TMEM132C: variants seen among roughly 807,000 people sequenced by gnomAD.
TMEM132C encodes the protein protein phosphatase 1, regulatory subunit 152.
Under a neutral mutation model 61.4 loss-of-function variants are expected in TMEM132C, and 29 were observed. That is an observed-to-expected ratio of 0.47 (90% CI 0.35 to 0.64). TMEM132C has a LOEUF of 0.64. TMEM132C is among the 30% of genes least tolerant of loss of function. The probability of loss-of-function intolerance (pLI) is 0.00; values close to 1 mark genes in which losing one functional copy is unlikely to be tolerated. For synonymous variants in TMEM132C, 656 were observed against 633.1 expected, an observed-to-expected ratio of 1.04 and a Z score of -0.54; for missense variants, 1,408 against 1,476.9, an observed-to-expected ratio of 0.95 and a Z score of 0.76.
rs1954841565 is a variant in TMEM132C, at chr12:128,706,443, G to A, written c.*148G>A. The A allele has an allele frequency of 2.8e-6, 3 of 1,090,376 alleles. No homozygotes were observed. Among genetic ancestry groups the A allele is most frequent in the Non-Finnish European group, 3.7e-6 (3 of 813,076 alleles). The allele number at this position is 1,090,376 out of a possible 1,614,324, so 67.5% of individuals were successfully genotyped here. On this transcript the variant is annotated 3_prime_UTR_variant, in exon 9 of 9. Coordinates refer to ENST00000435159, the MANE Select transcript of TMEM132C (RefSeq NM_001136103.3). ...TTGGAAAGTTTTGAAGTCAGGAAAA[G>A]ACGTTTTTGTATCAAGGGATTTTTA...
At chr12:128,271,080 C>T (rs1234301470) in intron 1 of TMEM132C, among the ~76,000 whole-genome samples, 4 of 151,798 alleles carry the variant, frequency 2.6e-5, no homozygotes, top group African/African-American at 9.7e-5. Flanking sequence ...ATGGTGAAAC[C>T]CCATCTCTAC....
At chr12:128,270,877 TA>T (rs373820330) in intron 1 of TMEM132C, among the ~76,000 whole-genome samples, 3 of 152,348 alleles carry the variant, frequency 2.0e-5, no homozygotes, top group African/African-American at 7.2e-5. Flanking sequence ...ATTTCTTTAC[TA>T]GTGCTTGCGA....
chr12:128,388,784 C>G (rs1426296725), intron 1 of TMEM132C, among the ~76,000 whole-genome samples: 1 of 152,260 alleles, frequency 6.6e-6, no homozygotes, highest in African/African-American at 2.4e-5. Flanking sequence ...CTTCCGGGCG[C>G]TGATTTTGTG....
chr12:128,503,373 A>G (rs1019586020), intron 2 of TMEM132C, among the ~76,000 whole-genome samples: 2 of 152,216 alleles, frequency 1.3e-5, no homozygotes, highest in Non-Finnish European at 2.9e-5. Flanking sequence ...CTTGTTGGAA[A>G]TGCCCTGGTG....
intron 5 of TMEM132C, among the ~76,000 whole-genome samples, chr12:128,682,962 C>A (rs1034753791): frequency 2.0e-5 from 3 of 152,200 alleles, no homozygotes; most frequent in Admixed American, 2.0e-4. Context: ...TCTCTGCCTG[C>A]ATCTTCACAT....
chr12:128,684,433 C>T (rs545772698), intron 5 of TMEM132C, among the ~76,000 whole-genome samples: 1 of 152,232 alleles, frequency 6.6e-6, no homozygotes, highest in Non-Finnish European at 1.5e-5. Flanking sequence ...ATGACTTTCT[C>T]TGGTCCCTAC....
chr12:128,492,336 C>G (rs1871768010), intron 2 of TMEM132C, among the ~76,000 whole-genome samples: 2 of 152,184 alleles, frequency 1.3e-5, no homozygotes, highest in Non-Finnish European at 2.9e-5. Context: ...TTTATAGCAG[C>G]ATGATTTATA....
At chr12:128,504,862 TA>T (rs1369602461) in intron 2 of TMEM132C, among the ~76,000 whole-genome samples, 6 of 149,748 alleles carry the variant, frequency 4.0e-5, no homozygotes, top group Non-Finnish European at 8.9e-5. Flanking sequence ...ATTCAGTCCG[TA>T]ATAATTTTTA....
At chr12:128,416,300 A>G (rs927959609) in intron 2 of TMEM132C, among the ~76,000 whole-genome samples, 5 of 152,232 alleles carry the variant, frequency 3.3e-5, no homozygotes, top group Admixed American at 2.6e-4. Flanking sequence ...GTCACTCTGT[A>G]TAATGATTCT....
intron 1 of TMEM132C, among the ~76,000 whole-genome samples, chr12:128,369,026 G>C (rs1873953554): frequency 6.6e-6 from 1 of 152,228 alleles, no homozygotes; most frequent in African/African-American, 2.4e-5. Flanking sequence ...GTCCTGAGAA[G>C]GTGTGAGTGG....
At chr12:128,428,263 T>C (rs1438516339) in intron 2 of TMEM132C, among the ~76,000 whole-genome samples, 1 of 151,636 alleles carries the variant, frequency 6.6e-6, no homozygotes, top group East Asian at 1.9e-4. Flanking sequence ...CTTTTGGGAG[T>C]TTCAGGTACA....
chr12:128,368,356 C>T (rs1421366836), intron 1 of TMEM132C, among the ~76,000 whole-genome samples: 4 of 152,218 alleles, frequency 2.6e-5, no homozygotes, highest in Non-Finnish European at 5.9e-5. Flanking sequence ...TGGGACCAAA[C>T]AAACATGCTT....
At chr12:128,374,694 A>G (rs762893086) in intron 1 of TMEM132C, among the ~76,000 whole-genome samples, 35 of 150,558 alleles carry the variant, frequency 2.3e-4, no homozygotes, top group African/African-American at 8.2e-4. Context: ...ACAAATGACC[A>G]TACAACACCC....
intron 3 of TMEM132C, among the ~76,000 whole-genome samples, chr12:128,551,207 G>A (rs1437066399): frequency 1.3e-5 from 2 of 149,548 alleles, no homozygotes; most frequent in Admixed American, 1.3e-4. Flanking sequence ...AGAAACATAA[G>A]AGCCCCCCCC....
At chr12:128,689,886 C>A (rs1263704299) in intron 5 of TMEM132C, among the ~76,000 whole-genome samples, 3 of 152,184 alleles carry the variant, frequency 2.0e-5, no homozygotes, top group African/African-American at 7.2e-5. Flanking sequence ...CAGTCTATGC[C>A]AACAGGCCCT....
At chr12:128,697,977 C>T (rs1027884609) in intron 8 of TMEM132C, among the ~76,000 whole-genome samples, 3 of 152,206 alleles carry the variant, frequency 2.0e-5, no homozygotes, top group African/African-American at 7.2e-5. Flanking sequence ...TTATGATACC[C>T]TCTTCTCATA....
In TMEM132C at chr12:128,570,578, C is replaced by T. The variant is rs1874842993; in HGVS notation, c.1121+26475C>T. On this transcript the variant is annotated intron_variant, in intron 3 of 8. Transcript: ENST00000435159. The surrounding 1 kb of genome is among the most constrained non-coding windows in gnomAD (Gnocchi z 4.7). The stretch of plus-strand genomic sequence containing the variant: ...TTTTCCTTTGACTCAGCATGAAGTT[C>T]AGAGGCTAGGGTTAGGCTGTGGCTG... Among the ~76,000 whole-genome samples, 1 of 151,738 alleles carries T rather than the reference C, an allele frequency of 6.6e-6. No homozygotes were observed. The highest frequency in any genetic ancestry group is 2.1e-4 in the South Asian group (1 of 4,820).
chr12:128,365,740 G>A (rs1023065157), intron 1 of TMEM132C, among the ~76,000 whole-genome samples: 1 of 152,158 alleles, frequency 6.6e-6, no homozygotes, highest in Non-Finnish European at 1.5e-5. Context: ...TGCCCCCACA[G>A]TTGTGCTCCG....
At chr12:128,480,120 T>A (rs1438731932) in intron 2 of TMEM132C, among the ~76,000 whole-genome samples, 1 of 152,152 alleles carries the variant, frequency 6.6e-6, no homozygotes, top group Non-Finnish European at 1.5e-5. Context: ...TTAGCTGGAC[T>A]TGGGTAGTGT....
Sources: allele counts gnomAD v4.1 joint callset (sites outside exome capture counted in the v4.1 genomes callset), GRCh38; gene constraint gnomAD v4.1.1; non-coding constraint Gnocchi (gnomAD v3.1); transcripts MANE v1.5; gene names NCBI Gene and HGNC (gene_info 2026-07-23, HGNC 2026-07-21).